STK17B: variants seen among roughly 807,000 people sequenced by gnomAD.
STK17B encodes the protein serine/threonine kinase 17b.
Under a neutral mutation model 42.0 loss-of-function variants are expected in STK17B, and 21 were observed. The ratio of observed to expected loss-of-function variants is 0.50; its 90% CI spans 0.35 to 0.72. The LOEUF is 0.72. STK17B is among the 30% of genes least tolerant of loss of function. The pLI is 0.00. For missense variants in STK17B, 349 were observed against 446.0 expected, an observed-to-expected ratio of 0.78 and a Z score of 1.96; for synonymous variants, 143 against 148.4, an observed-to-expected ratio of 0.96 and a Z score of 0.26.
chr2:196,138,577 T>C (rs764625382), intron 7 of STK17B, among the ~76,000 whole-genome samples: 42 of 151,950 alleles, frequency 2.8e-4, no homozygotes, highest in Non-Finnish European at 6.0e-4. Flanking sequence ...TTTGGTTTTT[T>C]TTTGGTTTTT....
chr2:196,146,412 G>A (rs1210190149), intron 3 of STK17B, among the ~76,000 whole-genome samples: 1 of 152,092 alleles, frequency 6.6e-6, no homozygotes, highest in Non-Finnish European at 1.5e-5. Flanking sequence ...GCTGAGGCAG[G>A]AGAATCACTT....
chr2:196,168,394 G>A (rs1415178562), intron 1 of STK17B, among the ~76,000 whole-genome samples: 1 of 152,110 alleles, frequency 6.6e-6, no homozygotes, highest in Non-Finnish European at 1.5e-5. Flanking sequence ...ACAAATGCAT[G>A]GTGCTTGTCA....
intron 3 of STK17B, among the ~76,000 whole-genome samples, chr2:196,149,939 T>C (rs1699640441): frequency 6.6e-6 from 1 of 152,062 alleles, no homozygotes; most frequent in South Asian, 2.1e-4. Flanking sequence ...TCTCTTCCTT[T>C]TAGTTTGACA....
chr2:196,140,577 CTTTT>C (rs58205758), intron 6 of STK17B, among the ~76,000 whole-genome samples: 19 of 101,462 alleles, frequency 1.9e-4, no homozygotes, highest in East Asian at 3.0e-4. Flanking sequence ...CTTCTTCTAG[CTTTT>C]TTTTTTTTTT....
chr2:196,137,291 C>T lies in STK17B; in HGVS notation c.*156G>A. The T allele has an allele frequency of 1.4e-6, 1 of 725,452 alleles. No individual in the cohort carries two copies. Among genetic ancestry groups the T allele is most frequent in the East Asian group, 2.8e-5 (1 of 35,268 alleles). 44.9% of individuals were successfully genotyped at this position (725,452 alleles called of 1,614,324 possible). On this transcript the variant is annotated 3_prime_UTR_variant, in exon 8 of 8. Coordinates refer to ENST00000263955, the MANE Select transcript of STK17B (RefSeq NM_004226.4). ...AGGATATGAAATCATAACATGCTAGCAACTAGTAATTTAACATTAAAACAC... is the reference window on the plus strand; with the variant it reads ...AGGATATGAAATCATAACATGCTAGTAACTAGTAATTTAACATTAAAACAC...
At chr2:196,163,158 C>T (rs1699834558) in intron 2 of STK17B, 104 bp downstream of exon 2, 2 of 1,364,198 alleles carry the variant, frequency 1.5e-6, no homozygotes, top group African/African-American at 1.5e-5. Flanking sequence ...ACTTTCCTTC[C>T]TAATCATTGT....
intron 3 of STK17B, among the ~76,000 whole-genome samples, chr2:196,147,380 G>C (rs1229314801): frequency 1.3e-5 from 2 of 152,154 alleles, no homozygotes; most frequent in African/African-American, 2.4e-5. Flanking sequence ...CGATTCTTTA[G>C]AGGGGTTGAA....
intron 1 of STK17B, among the ~76,000 whole-genome samples, chr2:196,167,178 A>G (rs1699884167): frequency 6.6e-6 from 1 of 152,192 alleles, no homozygotes; most frequent in Non-Finnish European, 1.5e-5. Context: ...CCTAAAAACC[A>G]CAGGCTGATT....
At chr2:196,171,723 G>C (rs1699948436), upstream of STK17B, 1 of 151,216 alleles carries the variant, frequency 6.6e-6, no homozygotes, top group African/African-American at 2.4e-5. Context: ...GTGCGGGGCG[G>C]GGCCCGGCGG....
Position 196,171,509 on chromosome 2 carries a change from C to T in STK17B, c.-221G>A, listed in dbSNP as rs1176898861. ...TCCAGACAAGGGCCGACGGTTGTGA[C>T]CTGGCTTCTCGTGAAGTGACTCCTG... On this transcript the variant is annotated 5_prime_UTR_variant, in exon 1 of 8. Coordinates refer to ENST00000263955, the MANE Select transcript of STK17B (RefSeq NM_004226.4). 1 of 152,292 alleles carries T rather than the reference C, an allele frequency of 6.6e-6. No homozygotes were observed. Among genetic ancestry groups the T allele is most frequent in the African/African-American group, 2.4e-5 (1 of 41,462 alleles). The allele number at this position is 152,292 out of a possible 1,614,324, so 9.4% of individuals were successfully genotyped here. A position where few individuals can be genotyped will look rare whatever the true frequency, so the allele number is the denominator to read the frequency against.
At chr2:196,159,399 C>T (rs1699783297) in intron 2 of STK17B, among the ~76,000 whole-genome samples, 2 of 151,416 alleles carry the variant, frequency 1.3e-5, no homozygotes, top group South Asian at 2.1e-4. Flanking sequence ...CAGCCTCAAC[C>T]TCCCAGGCTC....
intron 1 of STK17B, 68 bp from the exon 2 acceptor site, chr2:196,163,495 C>CTG: frequency 8.6e-7 from 1 of 1,157,630 alleles, no homozygotes; most frequent in South Asian, 2.0e-5. Flanking sequence ...CATTACACAG[C>CTG]TCCAAATATA....
intron 1 of STK17B, among the ~76,000 whole-genome samples, chr2:196,166,838 T>C (rs1699879810): frequency 6.6e-6 from 1 of 152,228 alleles, no homozygotes; most frequent in African/African-American, 2.4e-5. Context: ...TCATGATATT[T>C]ATTTCAAAAT....
At position 196,145,944 on chromosome 2, in the gene STK17B, TAGATAATAA is replaced by T; in HGVS notation, c.438_446del (p.Tyr147_Leu149del). ...CAAGGTGTACAATGTTATTCTGATG[TAGATAATAA>T]ACTCCTTCAAGTATTTGTTTAATGA... is the stretch of plus-strand genomic sequence containing the variant. On this transcript the variant is annotated inframe_deletion, in exon 4 of 8. Transcript: ENST00000263955. 6.3e-7 allele frequency: 1 copy of T among 1,595,508 alleles called. No individual in the cohort carries two copies. The highest frequency in any genetic ancestry group is 1.1e-5 in the South Asian group (1 of 86,968).
chr2:196,146,123 C>T, intron 3 of STK17B, 68 bp from the exon 4 acceptor site: 1 of 1,421,832 alleles, frequency 7.0e-7, no homozygotes. Flanking sequence ...ATATTGTGTA[C>T]CTGTTAAGTA....
At chr2:196,160,984 T>A (rs76918257) in intron 2 of STK17B, among the ~76,000 whole-genome samples, 2,684 of 152,290 alleles carry the variant, frequency 0.018, 69 homozygotes, top group African/African-American at 0.06. Context: ...GCTCCTATAA[T>A]GTCCCCAATT....
Position 196,139,723 on chromosome 2 carries a change from G to A in STK17B, c.733C>T (p.Leu245Phe). The A allele has an allele frequency of 6.8e-7, 1 of 1,461,476 alleles. No homozygotes were observed. Among genetic ancestry groups the A allele is most frequent in the South Asian group, 1.6e-5 (1 of 62,664 alleles). The allele number at this position is 1,461,476 out of a possible 1,614,324, so 90.5% of individuals were successfully genotyped here. A position where few individuals can be genotyped will look rare whatever the true frequency, so the allele number is the denominator to read the frequency against. Residue 245 changes from leucine (L) to phenylalanine (F), a missense_variant, in exon 7 of 8, where the codon CTC (leucine) becomes TTC (phenylalanine). Physicochemically the swap from Leu to Phe is conservative, Grantham distance 22. This residue lies in a region of STK17B where 256 missense variants were observed against 347.7 expected (regional missense o/e 0.74). Transcript: ENST00000263955. The stretch of plus-strand genomic sequence containing the variant: ...TCTACATTAACTTGAGAAATATTGA[G>A]GTATGTTTCTTGATTATCTTCTCCC... The part of the protein sequence containing the change: ...FVGEDNQETY[L>F]NISQVNVDYS...
rs192225946 is a variant in STK17B at position 196,136,773 on chromosome 2, C to T, written c.*674G>A. The T allele has an allele frequency of 2.0e-5, 3 of 152,212 alleles. No individual in the cohort carries two copies. Among genetic ancestry groups the T allele is most frequent in the Admixed American group, 6.5e-5 (1 of 15,290 alleles). The allele number at this position is 152,212 out of a possible 1,614,324, so 9.4% of individuals were successfully genotyped here. On this transcript the variant is annotated 3_prime_UTR_variant, in exon 8 of 8. Transcript: ENST00000263955. ...GTTGGGAGGAGGAAAAAGACATTTG[C>T]GTTAAAATACGAAGGCATGCTACTC...
At chr2:196,161,421 CA>C (rs1699810655) in intron 2 of STK17B, among the ~76,000 whole-genome samples, 1 of 151,240 alleles carries the variant, frequency 6.6e-6, no homozygotes, top group South Asian at 2.1e-4. Context: ...TTAAAACACC[CA>C]AATATTTTGC....
Sources: allele counts gnomAD v4.1 joint callset (sites outside exome capture counted in the v4.1 genomes callset), GRCh38; gene constraint gnomAD v4.1.1; regional missense constraint gnomAD v4.1.1; transcripts MANE v1.5; gene names NCBI Gene and HGNC (gene_info 2026-07-23, HGNC 2026-07-21).